PRELID2: variants seen among roughly 807,000 people sequenced by gnomAD.
The protein encoded by PRELID2 is PRELI domain containing 2.
A neutral mutation model predicts 28.4 loss-of-function variants in PRELID2; 25 were observed. That is an observed-to-expected ratio of 0.88 (90% CI 0.64 to 1.23). The LOEUF (loss-of-function observed/expected upper bound fraction) is 1.23, where lower values mean the gene tolerates loss of function less well. PRELID2 is among the 50% of genes most tolerant of loss of function. The pLI is 0.00. For synonymous variants in PRELID2, 76 were observed against 71.6 expected (o/e 1.06, Z -0.31); for missense variants, 201 against 214.4 (o/e 0.94, Z 0.39).
chr5:145,607,183 C>T (rs1445042685), intron 1 of PRELID2, among the ~76,000 whole-genome samples: 1 of 152,036 alleles, frequency 6.6e-6, no homozygotes, highest in Non-Finnish European at 1.5e-5. Flanking sequence ...TTTATTCTTT[C>T]AAAGAACAAA....
intron 1 of PRELID2, among the ~76,000 whole-genome samples, chr5:145,521,211 G>A (rs757767232): frequency 6.6e-5 from 10 of 152,056 alleles, no homozygotes; most frequent in East Asian, 1.9e-4. Flanking sequence ...TAAATGTTCC[G>A]ACCATTTATT....
intron 1 of PRELID2, among the ~76,000 whole-genome samples, chr5:145,660,846 G>A (rs1415294152): frequency 1.3e-5 from 2 of 152,016 alleles, no homozygotes; most frequent in South Asian, 4.1e-4. Flanking sequence ...TATAAAACTG[G>A]GAAAAAGCGG....
intron 5 of PRELID2, among the ~76,000 whole-genome samples, chr5:145,788,909 AG>A: frequency 6.6e-6 from 1 of 152,312 alleles, no homozygotes; most frequent in African/African-American, 2.4e-5. Flanking sequence ...TCTCATTTAT[AG>A]TAGTTACCAA....
intron 1 of PRELID2, chr5:145,729,389 G>A: frequency 2.2e-6 from 1 of 462,816 alleles, no homozygotes; most frequent in Non-Finnish European, 3.7e-6. Flanking sequence ...GCAGAGGCAG[G>A]TTACCCATGA....
intron 1 of PRELID2, among the ~76,000 whole-genome samples, chr5:145,549,690 G>T (rs1008257230): frequency 6.6e-6 from 1 of 152,010 alleles, no homozygotes; most frequent in Non-Finnish European, 1.5e-5. Flanking sequence ...AGCTACTCGG[G>T]AGGCTGAGGC....
intron 5 of PRELID2, among the ~76,000 whole-genome samples, chr5:145,789,387 C>T (rs940926967): frequency 3.9e-5 from 6 of 152,038 alleles, no homozygotes; most frequent in Non-Finnish European, 8.8e-5. Flanking sequence ...GCCAAGAACA[C>T]ACAATGGGAA....
At chr5:145,667,188 C>T (rs1250284251) in intron 1 of PRELID2, among the ~76,000 whole-genome samples, 2 of 152,016 alleles carry the variant, frequency 1.3e-5, no homozygotes, top group Non-Finnish European at 2.9e-5. Context: ...GAATATTAGC[C>T]TTTGAGTGGG....
chr5:145,405,755 G>C, the PRELID2 span, among the ~76,000 whole-genome samples: 1 of 145,138 alleles, frequency 6.9e-6, no homozygotes, highest in Non-Finnish European at 1.5e-5. Context: ...GCTGAGGCTG[G>C]AGTGCAGTGG....
the PRELID2 span, among the ~76,000 whole-genome samples, chr5:145,296,470 C>T: frequency 1.3e-5 from 2 of 151,080 alleles, no homozygotes. Context: ...TGATAGTTTA[C>T]TGAGAATGAT....
At chr5:145,732,326 G>C (rs1198077141) in intron 1 of PRELID2, among the ~76,000 whole-genome samples, 2 of 152,126 alleles carry the variant, frequency 1.3e-5, no homozygotes, top group Non-Finnish European at 1.5e-5. Flanking sequence ...ATGTAAAAAG[G>C]CATGACAGAT....
At chr5:145,779,227 A>G (rs1449430818) in intron 5 of PRELID2, among the ~76,000 whole-genome samples, 3 of 152,220 alleles carry the variant, frequency 2.0e-5, no homozygotes, top group African/African-American at 7.2e-5. Flanking sequence ...TAAAGTGGTA[A>G]GCCTTAAACA....
At chr5:145,783,592 A>G (rs677498) in intron 5 of PRELID2, among the ~76,000 whole-genome samples, 118,673 of 152,120 alleles carry the variant, frequency 0.78, 47,422 homozygotes, top group East Asian at 0.92. Flanking sequence ...CTGAGCACTC[A>G]AGGGTGGGAT....
At chr5:145,372,874 AATATATATGATATTATATATT>A in the PRELID2 span, among the ~76,000 whole-genome samples, 1 of 103,996 alleles carries the variant, frequency 9.6e-6, no homozygotes, top group Non-Finnish European at 1.9e-5. Flanking sequence ...ATTAATATAT[AATATATATGATATTATATATT>A]ACAACATATA....
intron 1 of PRELID2, among the ~76,000 whole-genome samples, chr5:145,648,787 A>G (rs946482492): frequency 2.7e-5 from 4 of 149,548 alleles, no homozygotes; most frequent in African/African-American, 9.7e-5. Flanking sequence ...ATAAATAATC[A>G]TATACATATA....
intron 1 of PRELID2, among the ~76,000 whole-genome samples, chr5:145,603,922 T>A (rs1011651858): frequency 5.3e-5 from 8 of 151,888 alleles, no homozygotes; most frequent in African/African-American, 1.7e-4. Flanking sequence ...AACAGAATGA[T>A]TAAATAGAAT....
At chr5:145,532,505 TGTCAA>T (rs1376752225) in intron 1 of PRELID2, among the ~76,000 whole-genome samples, 7 of 152,072 alleles carry the variant, frequency 4.6e-5, no homozygotes, top group African/African-American at 1.4e-4. Context: ...TCTTAGTGAC[TGTCAA>T]GTATACAAAA....
intron 1 of PRELID2, among the ~76,000 whole-genome samples, chr5:145,478,047 G>T (rs1327468128): frequency 1.3e-5 from 2 of 151,952 alleles, no homozygotes; most frequent in East Asian, 1.9e-4. Context: ...TAATTAAATG[G>T]GTTACAAATA....
At chr5:145,347,028 ATG>A in the PRELID2 span, among the ~76,000 whole-genome samples, 1 of 152,120 alleles carries the variant, frequency 6.6e-6, no homozygotes, top group South Asian at 2.1e-4. Context: ...TAAAGCTTCT[ATG>A]TGTGTATCGG....
At chr5:145,307,599 A>G in the PRELID2 span, among the ~76,000 whole-genome samples, 2 of 152,116 alleles carry the variant, frequency 1.3e-5, no homozygotes, top group East Asian at 1.9e-4. Context: ...CACACCCAAC[A>G]AAAGTGTACA....
Sources: allele counts gnomAD v4.1 joint callset (sites outside exome capture counted in the v4.1 genomes callset), GRCh38; gene constraint gnomAD v4.1.1; transcripts MANE v1.5; gene names NCBI Gene and HGNC (gene_info 2026-07-23, HGNC 2026-07-21).